The following HTR1E variants were observed in gnomAD, a reference collection of about 807,000 sequenced individuals.
HTR1E encodes 5-hydroxytryptamine receptor 1E.
A neutral mutation model predicts 3.4 loss-of-function variants in HTR1E; 3 were observed. The ratio of observed to expected loss-of-function variants is 0.89; its 90% CI spans 0.41 to 2.31. HTR1E has a LOEUF of 2.31. HTR1E is among the 30% of genes most tolerant of loss of function. HTR1E has a pLI of 0.05. For synonymous variants in HTR1E, 170 were observed against 182.8 expected (o/e 0.93, Z 0.56); for missense variants, 392 against 467.0 (o/e 0.84, Z 1.48).
chr6:86,992,140 C>T (rs950244059), intron 1 of HTR1E, among the ~76,000 whole-genome samples: 1 of 152,296 alleles, frequency 6.6e-6, no homozygotes, highest in Non-Finnish European at 1.5e-5. Context: ...CACCCGCTTG[C>T]CTTTAACACC....
chr6:86,975,297 C>T (rs1767614485), intron 1 of HTR1E, among the ~76,000 whole-genome samples: 1 of 152,172 alleles, frequency 6.6e-6, no homozygotes, highest in South Asian at 2.1e-4. Context: ...ACCTGGCTCC[C>T]ATTATCCTTA....
chr6:86,976,789 G>A (rs1767645147), intron 1 of HTR1E, among the ~76,000 whole-genome samples: 1 of 152,142 alleles, frequency 6.6e-6, no homozygotes, highest in Admixed American at 6.5e-5. Context: ...GTCAAATCCA[G>A]GTTATGAAAT....
intron 1 of HTR1E, among the ~76,000 whole-genome samples, chr6:86,968,831 G>A (rs1237327573): frequency 6.6e-6 from 1 of 151,540 alleles, no homozygotes; most frequent in Non-Finnish European, 1.5e-5. Flanking sequence ...AATCTTTTGT[G>A]GCCTCTAAGT....
intron 1 of HTR1E, among the ~76,000 whole-genome samples, chr6:86,979,015 G>A (rs1401712109): frequency 6.6e-6 from 1 of 152,132 alleles, no homozygotes; most frequent in Non-Finnish European, 1.5e-5. Flanking sequence ...TTGAGTCACG[G>A]GTTTTAGTAC....
chr6:87,000,068 C>G (rs1767997825), intron 1 of HTR1E: 1 of 174,554 alleles, frequency 5.7e-6, no homozygotes, highest in African/African-American at 2.4e-5. Flanking sequence ...ATTTCAAGCT[C>G]TTTAGACTTC....
chr6:86,953,025 A>G (rs1767268181), intron 1 of HTR1E, among the ~76,000 whole-genome samples: 1 of 152,190 alleles, frequency 6.6e-6, no homozygotes. Context: ...AATATAATGC[A>G]AATAAAGTGA....
intron 1 of HTR1E, among the ~76,000 whole-genome samples, chr6:86,942,086 T>C (rs1768554017): frequency 6.6e-6 from 1 of 152,212 alleles, no homozygotes; most frequent in Non-Finnish European, 1.5e-5. Flanking sequence ...TAGGGATTTA[T>C]ATTACGCTTG....
intron 1 of HTR1E, among the ~76,000 whole-genome samples, chr6:86,962,910 A>G (rs1399696523): frequency 6.6e-6 from 1 of 152,204 alleles, no homozygotes; most frequent in African/African-American, 2.4e-5. Context: ...ATAATACGTG[A>G]TCTCTGTTAC....
chr6:87,006,099 G>A (rs1390233743), intron 1 of HTR1E, among the ~76,000 whole-genome samples: 1 of 152,156 alleles, frequency 6.6e-6, no homozygotes, highest in Non-Finnish European at 1.5e-5. Context: ...GTGAAGAATT[G>A]GAGAAAATGG....
chr6:87,001,663 C>A (rs1768025830), intron 1 of HTR1E, among the ~76,000 whole-genome samples: 1 of 152,198 alleles, frequency 6.6e-6, no homozygotes, highest in Non-Finnish European at 1.5e-5. Flanking sequence ...AGGAAGCAAT[C>A]ATGACAAATG....
chr6:86,951,385 A>G (rs924416055), intron 1 of HTR1E, among the ~76,000 whole-genome samples: 1 of 152,178 alleles, frequency 6.6e-6, no homozygotes, highest in African/African-American at 2.4e-5. Context: ...TTTTGCCTAG[A>G]TTCCAAAGTA....
At chr6:87,003,755 A>G (rs1768058610) in intron 1 of HTR1E, among the ~76,000 whole-genome samples, 1 of 152,128 alleles carries the variant, frequency 6.6e-6, no homozygotes, top group South Asian at 2.1e-4. Context: ...TAGGAAAAAA[A>G]GGAAATAATA....
intron 1 of HTR1E, among the ~76,000 whole-genome samples, chr6:86,959,694 A>G (rs1052990077): frequency 1.3e-5 from 2 of 152,172 alleles, no homozygotes; most frequent in African/African-American, 4.8e-5. Context: ...TGGTGAAAAA[A>G]TTAGAAACAG....
chr6:86,965,443 T>C (rs764601463), intron 1 of HTR1E, among the ~76,000 whole-genome samples: 3 of 151,474 alleles, frequency 2.0e-5, no homozygotes, highest in Non-Finnish European at 4.4e-5. Context: ...AGTTCTGTAT[T>C]TTTTTTTAAT....
In HTR1E at chr6:87,016,538, G is replaced by A; in HGVS notation, c.*106G>A. ...GAACATACTTGGTTCAGGAGAGTTT[G>A]TAAGTATGTGTGGTCTTGTTTCCTT... On this transcript the variant is annotated 3_prime_UTR_variant, in exon 2 of 2. Transcript: ENST00000305344. The A allele has an allele frequency of 8.8e-6, 8 of 907,106 alleles. No individual in the cohort carries two copies. Among genetic ancestry groups the A allele is most frequent in the Non-Finnish European group, 1.2e-5 (7 of 599,138 alleles). 56.2% of individuals were successfully genotyped at this position (907,106 alleles called of 1,614,324 possible).
At chr6:87,012,723 T>G (rs534021376) in intron 1 of HTR1E, among the ~76,000 whole-genome samples, 2 of 152,342 alleles carry the variant, frequency 1.3e-5, no homozygotes, top group Admixed American at 1.3e-4. Context: ...ACTTACTATG[T>G]ATTAGGCGTT....
At position 87,015,634 on chromosome 6, in the gene HTR1E, T is replaced by A; in HGVS notation, c.300T>A (p.Ser100Arg). Residue 100 changes from serine (S) to arginine (R), a missense_variant, in exon 2 of 2, where the codon AGT becomes AGA. Coordinates refer to ENST00000305344, the MANE Select transcript of HTR1E (RefSeq NM_000865.3). ...LGYFLCEVWLSVDMTCCTCSI... is the reference protein window; with the variant it reads ...LGYFLCEVWLRVDMTCCTCSI... The stretch of plus-strand genomic sequence containing the variant: ...ACTTCCTCTGTGAGGTGTGGCTGAG[T>A]GTGGACATGACCTGCTGCACCTGCT... 1 of 1,614,102 alleles carries A rather than the reference T, an allele frequency of 6.2e-7. No homozygotes were observed. Among genetic ancestry groups the A allele is most frequent in the Non-Finnish European group, 8.5e-7 (1 of 1,179,996 alleles).
At chr6:86,987,690 A>G (rs764305051) in intron 1 of HTR1E, among the ~76,000 whole-genome samples, 1 of 152,198 alleles carries the variant, frequency 6.6e-6, no homozygotes, top group African/African-American at 2.4e-5. Flanking sequence ...TATAAAGAAC[A>G]GAAATTTATT....
chr6:87,010,468 C>T (rs1263474832), intron 1 of HTR1E, among the ~76,000 whole-genome samples: 7 of 149,514 alleles, frequency 4.7e-5, no homozygotes, highest in South Asian at 2.2e-4. Context: ...ACCTCCCAGA[C>T]GGGGTCTCGG....
Sources: gnomAD v4.1 joint callset for allele counts (sites outside exome capture counted in the v4.1 genomes callset) on GRCh38, gnomAD v4.1.1 for gene constraint, MANE v1.5 for transcripts, NCBI Gene and HGNC (gene_info 2026-07-23, HGNC 2026-07-21) for gene names.